The following HTR3A variants were observed in gnomAD, a reference collection of about 807,000 sequenced individuals.
HTR3A encodes the protein 5-hydroxytryptamine (serotonin) receptor 3A, ionotropic.
Under a neutral mutation model 54.8 loss-of-function variants are expected in HTR3A, and 45 were observed. That is an observed-to-expected ratio of 0.82 (90% CI 0.65 to 1.05). HTR3A has a LOEUF of 1.05. Among genes scored for constraint, HTR3A ranks in the 50% least tolerant of loss-of-function variants. The pLI is 0.00. For synonymous variants in HTR3A, 297 were observed against 256.0 expected, an observed-to-expected ratio of 1.16 and a Z score of -1.53; for missense variants, 657 against 614.0, an observed-to-expected ratio of 1.07 and a Z score of -0.74.
Position 113,989,573 on chromosome 11 carries a change from G to T in HTR3A, c.1247G>T (p.Cys416Phe). The T allele has an allele frequency of 6.2e-7, 1 of 1,614,228 alleles. No individual in the cohort carries two copies. The highest frequency in any genetic ancestry group is 8.5e-7 in the Non-Finnish European group (1 of 1,180,046). Reference protein sequence around the residue: ...PPPREASLAVCGLLQELSSIR... With the variant: ...PPPREASLAVFGLLQELSSIR... Reference sequence around the variant, plus strand: ...CCTCGGGAGGCCTCGCTGGCGGTGTGTGGGCTGCTGCAGGAGCTGTCCTCC... The same window carrying T: ...CCTCGGGAGGCCTCGCTGGCGGTGTTTGGGCTGCTGCAGGAGCTGTCCTCC... Residue 416 changes from cysteine to phenylalanine, a missense_variant, in exon 9 of 9, where the codon TGT (cysteine) becomes TTT (phenylalanine). Transcript: ENST00000504030. The surrounding 1 kb of genome is among the most constrained non-coding windows in gnomAD (Gnocchi z 4.4).
intron 1 of HTR3A, among the ~76,000 whole-genome samples, chr11:113,976,102 T>A (rs1950348267): frequency 6.6e-6 from 1 of 152,118 alleles, no homozygotes; most frequent in South Asian, 2.1e-4. Context: ...CCTACAGAGC[T>A]GGGGTGGAGC....
intron 5 of HTR3A, among the ~76,000 whole-genome samples, chr11:113,984,913 A>G (rs1950471346): frequency 8.2e-6 from 1 of 121,262 alleles, no homozygotes; most frequent in African/African-American, 2.9e-5. Context: ...TCTGACTGAG[A>G]CTCCGTCTCA....
At chr11:113,976,466 C>T (rs2137566739) in intron 1 of HTR3A, among the ~76,000 whole-genome samples, 1 of 151,914 alleles carries the variant, frequency 6.6e-6, no homozygotes, top group South Asian at 2.1e-4. Context: ...CTTTCTGGTG[C>T]TTGGGGATCC....
rs1219549890 is a variant in HTR3A at position 113,981,184 on chromosome 11, A to G, written c.265-19A>G. ...GAGATGGAGGGGGCTGCCTGTGACC[A>G]TCCCTGCTCCTCCCCTAGTACTGGA... On this transcript the variant is annotated intron_variant, in intron 3 of 8. Coordinates refer to ENST00000504030, the MANE Select transcript of HTR3A (RefSeq NM_000869.6). 1.3e-6 allele frequency: 2 copies of G among 1,510,006 alleles called. No individual in the cohort carries two copies. The highest frequency in any genetic ancestry group is 2.3e-5 in the East Asian group (1 of 44,420). The allele number at this position is 1,510,006 out of a possible 1,614,324, so 93.5% of individuals were successfully genotyped here.
In HTR3A at chr11:113,981,305, A is replaced by G. The variant is rs1950419401; in HGVS notation, c.367A>G (p.Asn123Asp). 6.2e-7 allele frequency: 1 copy of G among 1,606,120 alleles called. No homozygotes were observed. Among genetic ancestry groups the G allele is most frequent in the African/African-American group, 1.3e-5 (1 of 74,738 alleles). Reference protein sequence around the residue: ...DSIWVPDILINEFVDVGKSPN... With the variant: ...DSIWVPDILIDEFVDVGKSPN... ...CATCTGGGTCCCGGACATTCTCATC[A>G]ATGAGTTGTGAGTACCGTTATCCAT... The change falls in exon 4 of 9, where the codon AAT becomes GAT. Residue 123 changes from asparagine to aspartate, a missense_variant. Asn to Asp is a conservative substitution (Grantham distance 23). Coordinates refer to ENST00000504030, the MANE Select transcript of HTR3A (RefSeq NM_000869.6).
chr11:113,981,768 G>A (rs898021702), intron 4 of HTR3A, among the ~76,000 whole-genome samples: 14 of 152,098 alleles, frequency 9.2e-5, no homozygotes, highest in African/African-American at 3.4e-4. Context: ...GACTAGCCTG[G>A]CCAACATGGT....
In HTR3A at chr11:113,989,762, G is replaced by A. The variant is rs2137590205; in HGVS notation, c.1436G>A (p.Ter479=). 6.2e-7 allele frequency: 1 copy of A among 1,609,304 alleles called. No homozygotes were observed. Among genetic ancestry groups the A allele is most frequent in the Admixed American group, 1.7e-5 (1 of 60,024 alleles). ...CTCTGGTCCATCTGGCAGTACGCTT[G>A]AGTGGGTACAGCCCAGTGGAGGAGG... ...VMLWSIWQYA[*] is the part of the protein sequence containing the mutation. Residue 479 remains the stop codon, a stop_retained_variant, in exon 9 of 9, where the codon TGA becomes TAA. Transcript: ENST00000504030. The surrounding 1 kb of genome is among the most constrained non-coding windows in gnomAD (Gnocchi z 4.4).
rs139863344 is a variant in HTR3A at position 113,989,757 on chromosome 11, C to G, written c.1431C>G (p.Tyr477Ter). ...TLVMLWSIWQ[Y>*]A ...TTATGCTCTGGTCCATCTGGCAGTA[C>G]GCTTGAGTGGGTACAGCCCAGTGGA... Residue 477 changes from tyrosine (Y) to a stop codon, truncating the protein, a stop_gained, in exon 9 of 9, where the codon TAC becomes TAG. Coordinates refer to ENST00000504030, the MANE Select transcript of HTR3A (RefSeq NM_000869.6). LOFTEE classifies it high-confidence loss of function. The surrounding 1 kb of genome is among the most constrained non-coding windows in gnomAD (Gnocchi z 4.4). 6 of 1,610,068 alleles carry G rather than the reference C, an allele frequency of 3.7e-6. No homozygotes were observed. The East Asian group carries it at 1.1e-4, about 30-fold the overall frequency.
In HTR3A at chr11:113,981,278, A is replaced by G; in HGVS notation, c.340A>G (p.Ser114Gly). Residue 114 changes from serine to glycine, a missense_variant, in exon 4 of 9, where the codon AGC (serine) becomes GGC (glycine). By Grantham distance (56) the Ser-to-Gly change is moderately conservative (BLOSUM62 0). Transcript: ENST00000504030. ...NITKLSIPTDSIWVPDILINE... is the reference protein window; with the variant it reads ...NITKLSIPTDGIWVPDILINE... ...CACCAAGTTGTCCATCCCCACGGAC[A>G]GCATCTGGGTCCCGGACATTCTCAT... is the stretch of plus-strand genomic sequence containing the variant. 1 of 1,613,580 alleles carries G rather than the reference A, an allele frequency of 6.2e-7. No homozygotes were observed. Among genetic ancestry groups the G allele is most frequent in the South Asian group, 1.1e-5 (1 of 91,070 alleles).
At position 113,989,552 on chromosome 11, in the gene HTR3A, G is replaced by A. The variant is rs183698487; in HGVS notation, c.1226G>A (p.Arg409Gln). Residue 409 changes from arginine to glutamine, a missense_variant, in exon 9 of 9, where the codon CGG becomes CAG. Physicochemically the swap from Arg to Gln is conservative, Grantham distance 43. Transcript: ENST00000504030. This position sits in a 1 kb window ranked among gnomAD's most constrained non-coding sequence, Gnocchi z 4.4. ...RDRCSPPPPP[R>Q]EASLAVCGLL... is the part of the protein sequence containing the mutation. ...AGATGTAGCCCTCCCCCACCACCTC[G>A]GGAGGCCTCGCTGGCGGTGTGTGGG... 6.9e-4 allele frequency: 1,115 copies of A among 1,614,174 alleles called. 26 individuals are homozygous for A. In the East Asian group the frequency reaches 0.018, roughly 26 times the overall value.
At position 113,986,256 on chromosome 11, in the gene HTR3A, T is replaced by C. The variant is rs543715414; in HGVS notation, c.705+81T>C. 48 of 1,559,680 alleles carry C rather than the reference T, an allele frequency of 3.1e-5. No individual in the cohort carries two copies. The African/African-American group carries it at 5.6e-4, about 18-fold the overall frequency. On this transcript the variant is annotated intron_variant, in intron 6 of 8. Transcript: ENST00000504030. ...CTTAAGGAGGCATACTGGGAGAACT[T>C]CTATAGCCTTTTTCCAACCCCAGGG...
intron 8 of HTR3A, 137 bp downstream of exon 8, chr11:113,987,183 G>A (rs1950504257): frequency 1.1e-6 from 1 of 902,446 alleles, no homozygotes; most frequent in African/African-American, 1.6e-5. Flanking sequence ...TACTTGGGGT[G>A]GGGGCAGCCT....
rs1950496407 is a variant in HTR3A at position 113,986,679 on chromosome 11, C to T, written c.867C>T (p.Ile289=). 1 of 1,614,202 alleles carries T rather than the reference C, an allele frequency of 6.2e-7. No individual in the cohort carries two copies. Among genetic ancestry groups the T allele is most frequent in the Admixed American group, 1.7e-5 (1 of 60,026 alleles). Residue 289 remains isoleucine (I), a synonymous_variant, in exon 7 of 9, where the codon ATC becomes ATT. Coordinates refer to ENST00000504030, the MANE Select transcript of HTR3A (RefSeq NM_000869.6). ...TCCTGGGCTACTCGGTCTTCCTGAT[C>T]ATCGTTTCTGACACGCTGCCGGCCA... ...TLLLGYSVFL[I]IVSDTLPATA... is the part of the protein sequence containing the mutation.
rs1159845847 is a variant in HTR3A at position 113,981,315 on chromosome 11, G to T, written c.374+3G>T. 1 of 1,584,810 alleles carries T rather than the reference G, an allele frequency of 6.3e-7. No individual in the cohort carries two copies. The highest frequency in any genetic ancestry group is 8.7e-7 in the Non-Finnish European group (1 of 1,153,268). ...CCGGACATTCTCATCAATGAGTTGT[G>T]AGTACCGTTATCCATTGTGAGGTGG... is the stretch of plus-strand genomic sequence containing the variant. On this transcript the variant is annotated splice_donor_region_variant and intron_variant, in intron 4 of 8. Coordinates refer to ENST00000504030, the MANE Select transcript of HTR3A (RefSeq NM_000869.6).
intron 1 of HTR3A, among the ~76,000 whole-genome samples, chr11:113,975,805 G>A (rs560157014): frequency 3.9e-5 from 6 of 152,218 alleles, no homozygotes; most frequent in African/African-American, 9.6e-5. Context: ...AGTGGGGAGC[G>A]GATAATTCAT....
chr11:113,983,886 T>C (rs925312639), intron 5 of HTR3A, among the ~76,000 whole-genome samples: 1 of 152,190 alleles, frequency 6.6e-6, no homozygotes, highest in African/African-American at 2.4e-5. Context: ...AATGCGAATC[T>C]GACCGTGTCA....
chr11:113,983,404 G>A, intron 5 of HTR3A, 115 bp downstream of exon 5: 1 of 1,066,682 alleles, frequency 9.4e-7, no homozygotes. Context: ...TAATGCCCTG[G>A]GCCTCTGCTT....
rs921968335 is a variant in HTR3A at position 113,989,364 on chromosome 11, T to G, written c.1139-101T>G. ...GGTGACAGAGTGAGAAAAAAAAAGT[T>G]ATTCCCAACAAAAATTTACAGGCTA... On this transcript the variant is annotated intron_variant, in intron 8 of 8. Transcript: ENST00000504030. This position sits in a 1 kb window ranked among gnomAD's most constrained non-coding sequence, Gnocchi z 4.4. 1 of 1,372,198 alleles carries G rather than the reference T, an allele frequency of 7.3e-7. No homozygotes were observed. Among genetic ancestry groups the G allele is most frequent in the Non-Finnish European group, 1.0e-6 (1 of 965,506 alleles). 85.0% of individuals were successfully genotyped at this position (1,372,198 alleles called of 1,614,324 possible).
At chr11:113,979,359 G>A in intron 3 of HTR3A, 82 bp downstream of exon 3, 1 of 1,114,094 alleles carries the variant, frequency 9.0e-7, no homozygotes, top group South Asian at 1.2e-5. Flanking sequence ...AGTGGCCTTG[G>A]CGAGGGAAGG....
Sources: allele counts gnomAD v4.1 joint callset (sites outside exome capture counted in the v4.1 genomes callset), GRCh38; gene constraint gnomAD v4.1.1; non-coding constraint Gnocchi (gnomAD v3.1); transcripts MANE v1.5; gene names NCBI Gene and HGNC (gene_info 2026-07-23, HGNC 2026-07-21).